Variants in CNTN5 observed in about 807,000 individuals in gnomAD.
The protein encoded by CNTN5 is contactin 5, also known as contactin-5.
A neutral mutation model predicts 129.1 loss-of-function variants in CNTN5; 77 were observed. The observed-to-expected ratio is 0.60, with a 90% confidence interval of 0.50 to 0.72. CNTN5 has a LOEUF of 0.72. Among genes scored for constraint, CNTN5 ranks in the 30% least tolerant of loss-of-function variants. The pLI is 0.00. For missense variants in CNTN5, 1,478 were observed against 1,328.8 expected (o/e 1.11, Z -1.75); for synonymous variants, 509 against 465.6 (o/e 1.09, Z -1.20).
At chr11:99,900,625 A>G (rs1949331822) in intron 6 of CNTN5, among the ~76,000 whole-genome samples, 1 of 152,092 alleles carries the variant, frequency 6.6e-6, no homozygotes, top group South Asian at 2.1e-4. Context: ...AGATATTTCT[A>G]CAACCCTTTA....
chr11:99,710,239 C>T (rs886207836), intron 3 of CNTN5, among the ~76,000 whole-genome samples: 1 of 151,800 alleles, frequency 6.6e-6, no homozygotes, highest in African/African-American at 2.4e-5. Context: ...TGCCCAGCAT[C>T]TTTACCCTGC....
chr11:99,982,104 A>G (rs1938384683), intron 8 of CNTN5, among the ~76,000 whole-genome samples: 1 of 152,222 alleles, frequency 6.6e-6, no homozygotes, highest in Admixed American at 6.5e-5. Flanking sequence ...TTAATGGAGA[A>G]TACTTGAGTG....
At chr11:99,794,576 A>T (rs1374389256) in intron 3 of CNTN5, among the ~76,000 whole-genome samples, 1 of 152,130 alleles carries the variant, frequency 6.6e-6, no homozygotes, top group Non-Finnish European at 1.5e-5. Context: ...TTTCCTTTCC[A>T]TATTTAGCAC....
At chr11:100,045,002 C>G (rs1387974663) in intron 9 of CNTN5, among the ~76,000 whole-genome samples, 1 of 152,034 alleles carries the variant, frequency 6.6e-6, no homozygotes, top group East Asian at 1.9e-4. Context: ...CCTTTTTTCT[C>G]AGGCCATCAA....
intron 13 of CNTN5, among the ~76,000 whole-genome samples, chr11:100,161,666 A>G (rs938034176): frequency 1.3e-5 from 2 of 151,824 alleles, no homozygotes; most frequent in African/African-American, 4.8e-5. Flanking sequence ...TTACAAAATG[A>G]ATAATACTTA....
intron 1 of CNTN5, among the ~76,000 whole-genome samples, chr11:99,269,421 A>C (rs563734529): frequency 2.4e-4 from 36 of 152,010 alleles, no homozygotes; most frequent in African/African-American, 7.9e-4. Context: ...TAATGTACTC[A>C]AAAGAGCTGA....
At chr11:99,656,750 CAG>C (rs1275940899) in intron 3 of CNTN5, among the ~76,000 whole-genome samples, 2 of 152,088 alleles carry the variant, frequency 1.3e-5, no homozygotes, top group Non-Finnish European at 2.9e-5. Flanking sequence ...ACCAGGAAAA[CAG>C]GAGATCAGCA....
At chr11:99,756,489 C>T (rs1395312976) in intron 3 of CNTN5, among the ~76,000 whole-genome samples, 2 of 152,064 alleles carry the variant, frequency 1.3e-5, no homozygotes, top group Non-Finnish European at 2.9e-5. Context: ...AGGTAGATTG[C>T]ATCTTGTCAC....
At chr11:99,905,468 T>C (rs1379547773) in intron 6 of CNTN5, among the ~76,000 whole-genome samples, 1 of 152,062 alleles carries the variant, frequency 6.6e-6, no homozygotes, top group Non-Finnish European at 1.5e-5. Context: ...GGCATTATAA[T>C]TGAGGCCTCT....
intron 13 of CNTN5, among the ~76,000 whole-genome samples, chr11:100,126,557 C>A (rs1315133151): frequency 6.6e-6 from 1 of 151,536 alleles, no homozygotes; most frequent in Non-Finnish European, 1.5e-5. Flanking sequence ...TTTTTAAAAT[C>A]GTTATTGGTT....
At chr11:99,408,241 C>G (rs1053878597) in intron 2 of CNTN5, among the ~76,000 whole-genome samples, 1 of 150,884 alleles carries the variant, frequency 6.6e-6, no homozygotes, top group African/African-American at 2.4e-5. Context: ...ATACAAGAGA[C>G]TGTGTATTAC....
intron 3 of CNTN5, among the ~76,000 whole-genome samples, chr11:99,681,129 G>T (rs1953531868): frequency 6.6e-6 from 1 of 152,034 alleles, no homozygotes; most frequent in Non-Finnish European, 1.5e-5. Flanking sequence ...GCTTATTATT[G>T]GTGAGAAAGA....
chr11:99,933,416 G>T (rs77636155), intron 7 of CNTN5, among the ~76,000 whole-genome samples: 12,283 of 152,068 alleles, frequency 0.081, 1,038 homozygotes, highest in African/African-American at 0.21. Context: ...TAAGATAAAA[G>T]AAGTCATGTA....
At chr11:99,972,289 T>TA (rs1235799389) in intron 8 of CNTN5, among the ~76,000 whole-genome samples, 6 of 151,216 alleles carry the variant, frequency 4.0e-5, no homozygotes, top group East Asian at 1.9e-4. Flanking sequence ...TAAATAAAAA[T>TA]AAAAAAATGT....
chr11:99,854,218 T>A (rs1947963037), intron 6 of CNTN5, among the ~76,000 whole-genome samples: 1 of 152,178 alleles, frequency 6.6e-6, no homozygotes, highest in Admixed American at 6.5e-5. Context: ...TCTTCTTTAC[T>A]CCAGCCCCAC....
intron 3 of CNTN5, among the ~76,000 whole-genome samples, chr11:99,812,541 A>G (rs1946460959): frequency 6.6e-6 from 1 of 152,152 alleles, no homozygotes; most frequent in African/African-American, 2.4e-5. Flanking sequence ...ACTTTATTTG[A>G]TCTTTACAAC....
chr11:99,101,307 C>T (rs1866724491), intron 1 of CNTN5, among the ~76,000 whole-genome samples: 1 of 152,028 alleles, frequency 6.6e-6, no homozygotes. Flanking sequence ...CATGATAAAC[C>T]ATATCATTCT....
intron 1 of CNTN5, among the ~76,000 whole-genome samples, chr11:99,257,569 A>AT (rs1380913934): frequency 6.6e-6 from 1 of 151,938 alleles, no homozygotes; most frequent in Non-Finnish European, 1.5e-5. Context: ...AAAAGGTGTA[A>AT]TTTTTTATTC....
In CNTN5 at chr11:100,040,782, G is replaced by A. The variant is rs368325693; in HGVS notation, c.981-20430G>A. Reference sequence around the variant, plus strand: ...GCGTAGGACCCTCCTAGCCAAGTGCGGGATATAATCTCCTGGTGTGCCATT... The same window carrying A: ...GCGTAGGACCCTCCTAGCCAAGTGCAGGATATAATCTCCTGGTGTGCCATT... On this transcript the variant is annotated intron_variant, in intron 9 of 24. Transcript: ENST00000524871. Among the ~76,000 whole-genome samples, 476 of 152,298 alleles carry A rather than the reference G, an allele frequency of 3.1e-3. 1 individual carries two copies. The highest frequency in any genetic ancestry group is 0.02 in the South Asian group (96 of 4,820).
Sources: gnomAD v4.1 joint callset for allele counts (sites outside exome capture counted in the v4.1 genomes callset) on GRCh38, gnomAD v4.1.1 for gene constraint, MANE v1.5 for transcripts, NCBI Gene and HGNC (gene_info 2026-07-23, HGNC 2026-07-21) for gene names.